Variants in SCARA5 observed in about 807,000 individuals in gnomAD.
SCARA5 encodes scavenger receptor class A member 5.
In SCARA5, 45 loss-of-function variants were observed where a neutral mutation model predicts 46.3. The observed-to-expected ratio is 0.97, with a 90% CI of 0.76 to 1.24. The LOEUF (loss-of-function observed/expected upper bound fraction) is 1.24, where lower values mean the gene tolerates loss of function less well. Ranked by LOEUF, SCARA5 falls within the 50% of genes most tolerant of loss-of-function variation. The probability of loss-of-function intolerance (pLI) is 0.00; values close to 1 mark genes in which losing one functional copy is unlikely to be tolerated. For synonymous variants in SCARA5, 333 were observed against 306.5 expected, an observed-to-expected ratio of 1.09 and a Z score of -0.90; for missense variants, 680 against 689.0, an observed-to-expected ratio of 0.99 and a Z score of 0.15.
At chr8:27,876,350 TA>T (rs1806723370) in intron 8 of SCARA5, among the ~76,000 whole-genome samples, 3 of 152,154 alleles carry the variant, frequency 2.0e-5, no homozygotes. Context: ...CTCTACCTGC[TA>T]ATCTCCTAAG....
intron 3 of SCARA5, among the ~76,000 whole-genome samples, chr8:27,936,845 C>T (rs191356714): frequency 4.6e-5 from 7 of 152,196 alleles, no homozygotes; most frequent in South Asian, 2.1e-4. Flanking sequence ...TGCCCAGAGG[C>T]GGGGCTGGCT....
At chr8:27,919,566 T>A (rs1807548822) in intron 4 of SCARA5, among the ~76,000 whole-genome samples, 1 of 152,098 alleles carries the variant, frequency 6.6e-6, no homozygotes, top group Non-Finnish European at 1.5e-5. Context: ...AACACTCCCC[T>A]GACATTGCAG....
At chr8:27,969,837 A>G (rs993935236) in intron 2 of SCARA5, among the ~76,000 whole-genome samples, 1 of 152,150 alleles carries the variant, frequency 6.6e-6, no homozygotes, top group Admixed American at 6.5e-5. Context: ...AACAAAGTCT[A>G]TTAAAAATAA....
chr8:27,984,026 G>T (rs1020384087), intron 2 of SCARA5, among the ~76,000 whole-genome samples: 4 of 152,024 alleles, frequency 2.6e-5, no homozygotes, highest in South Asian at 2.1e-4. Flanking sequence ...CTAAATAAAG[G>T]CTCAAGGGCG....
chr8:27,909,027 C>T (rs1029803809), intron 5 of SCARA5: 3 of 152,318 alleles, frequency 2.0e-5, no homozygotes, highest in African/African-American at 7.2e-5. Flanking sequence ...GCAAGCAGCA[C>T]AGGCTCAGGA....
At chr8:27,937,781 C>T (rs563789704) in intron 3 of SCARA5, among the ~76,000 whole-genome samples, 9 of 152,272 alleles carry the variant, frequency 5.9e-5, no homozygotes, top group Admixed American at 2.6e-4. Context: ...TGCCCTCCCA[C>T]AGTGCTTCCT....
intron 3 of SCARA5, among the ~76,000 whole-genome samples, chr8:27,935,359 G>A (rs1359063938): frequency 5.3e-5 from 8 of 152,156 alleles, no homozygotes; most frequent in Admixed American, 6.5e-5. Flanking sequence ...TGGAGATGGA[G>A]AAATGGCCAA....
chr8:27,977,327 C>G (rs1808541035), intron 2 of SCARA5, among the ~76,000 whole-genome samples: 1 of 152,106 alleles, frequency 6.6e-6, no homozygotes, highest in South Asian at 2.1e-4. Context: ...TCCCCAGGCC[C>G]CCCCATCACC....
chr8:27,989,868 C>T lies in SCARA5; in HGVS notation c.-15-2238G>A, dbSNP rs1423150036. On this transcript the variant is annotated intron_variant, in intron 1 of 8. Coordinates refer to ENST00000354914, the MANE Select transcript of SCARA5 (RefSeq NM_173833.6). ...CACTGCTAAGTTGCAAGGGACCCTC[C>T]CTCATTTCATGAGCACTGTGTGCGG... Among the ~76,000 whole-genome samples the T allele has an allele frequency of 2.0e-5, 3 of 152,248 alleles. 1 individual carries two copies. The highest frequency in any genetic ancestry group is 7.2e-5 in the African/African-American group (3 of 41,474).
At chr8:27,894,886 T>A (rs982319983) in intron 7 of SCARA5, among the ~76,000 whole-genome samples, 1 of 152,162 alleles carries the variant, frequency 6.6e-6, no homozygotes, top group African/African-American at 2.4e-5. Flanking sequence ...TGGTGTGGAA[T>A]GAATGAGTGG....
chr8:27,893,935 C>T (rs919663294), intron 7 of SCARA5, among the ~76,000 whole-genome samples: 1 of 152,320 alleles, frequency 6.6e-6, no homozygotes. Context: ...AACTGGCTTC[C>T]AAGGCTGGGG....
intron 3 of SCARA5, among the ~76,000 whole-genome samples, chr8:27,929,086 C>T (rs1443797812): frequency 1.3e-5 from 2 of 152,152 alleles, no homozygotes; most frequent in Non-Finnish European, 2.9e-5. Context: ...AAGACTCTGA[C>T]TCAATATTGA....
chr8:27,967,868 A>T (rs1272164673), intron 2 of SCARA5, among the ~76,000 whole-genome samples: 1 of 152,178 alleles, frequency 6.6e-6, no homozygotes, highest in East Asian at 1.9e-4. Flanking sequence ...AGCTGAGATC[A>T]CGCCACTGCA....
rs757831410 is a variant in SCARA5, at chr8:27,871,988, C to A, written c.1434G>T (p.Gly478=). 3.7e-6 allele frequency: 6 copies of A among 1,614,238 alleles called. No homozygotes were observed. The highest frequency in any genetic ancestry group is 2.2e-5 in the South Asian group (2 of 91,080). The change falls in exon 9 of 9, where the codon GGG becomes GGT. Residue 478 remains glycine, a synonymous_variant. Coordinates refer to ENST00000354914, the MANE Select transcript of SCARA5 (RefSeq NM_173833.6). ...TIFRCSFSKW[G]VTNCGHAEDA... ...CTTCGGCATGTCCACAGTTTGTCAC[C>A]CCCCATTTGGAGAAGCTGCAGCGGA...
At chr8:27,916,985 G>T (rs1444906688) in intron 4 of SCARA5, among the ~76,000 whole-genome samples, 1 of 152,144 alleles carries the variant, frequency 6.6e-6, no homozygotes, top group African/African-American at 2.4e-5. Context: ...CCAGGGAGCT[G>T]CCCCATCCCT....
In SCARA5 at chr8:27,985,186, G is replaced by A. The variant is rs115279025; in HGVS notation, c.112+2318C>T. ...CAGTGTCATGAGGAAGTCAGACCACGGAAGAAAGGAAAAAAGAGTCAGGGA... is the reference window on the plus strand; with the variant it reads ...CAGTGTCATGAGGAAGTCAGACCACAGAAGAAAGGAAAAAAGAGTCAGGGA... On this transcript the variant is annotated intron_variant, in intron 2 of 8. Coordinates refer to ENST00000354914, the MANE Select transcript of SCARA5 (RefSeq NM_173833.6). Among the ~76,000 whole-genome samples, 269 of 152,250 alleles carry A rather than the reference G, an allele frequency of 1.8e-3. 1 individual carries two copies. The highest frequency in any genetic ancestry group is 6.3e-3 in the African/African-American group (263 of 41,528).
At chr8:27,948,199 CG>C in intron 3 of SCARA5, among the ~76,000 whole-genome samples, 1 of 151,236 alleles carries the variant, frequency 6.6e-6, no homozygotes, top group East Asian at 2.0e-4. Flanking sequence ...TGGGTGGGGT[CG>C]GGGGTGGAGG....
intron 2 of SCARA5, among the ~76,000 whole-genome samples, chr8:27,981,604 G>A (rs542316052): frequency 1.9e-4 from 29 of 152,334 alleles, no homozygotes; most frequent in African/African-American, 7.0e-4. Flanking sequence ...CCTGCACTGG[G>A]TCTGAGTTCA....
At chr8:27,958,578 A>G (rs1327567174) in intron 3 of SCARA5, among the ~76,000 whole-genome samples, 1 of 152,242 alleles carries the variant, frequency 6.6e-6, no homozygotes, top group African/African-American at 2.4e-5. Flanking sequence ...AATGGGGACT[A>G]TAGGGACATG....
Sources: gnomAD v4.1 joint callset for allele counts (sites outside exome capture counted in the v4.1 genomes callset) on GRCh38, gnomAD v4.1.1 for gene constraint, MANE v1.5 for transcripts, NCBI Gene and HGNC (gene_info 2026-07-23, HGNC 2026-07-21) for gene names.